The following GPC6 variants were observed in gnomAD, a reference collection of about 807,000 sequenced individuals.
GPC6 encodes the protein glypican 6.
In GPC6, 14 loss-of-function variants were observed where a neutral mutation model predicts 55.2. The observed-to-expected ratio is 0.25, with a 90% CI of 0.17 to 0.40. The LOEUF (loss-of-function observed/expected upper bound fraction) is 0.40, where lower values mean the gene tolerates loss of function less well. Among genes scored for constraint, GPC6 ranks in the 10% least tolerant of loss-of-function variants. The pLI is 1.00. For missense variants in GPC6, 641 were observed against 708.5 expected (o/e 0.90, Z 1.08); for synonymous variants, 278 against 259.6 (o/e 1.07, Z -0.68).
In GPC6 at chr13:93,579,041, A is replaced by G. The variant is rs373410275; in HGVS notation, c.319+33620A>G. 2.0e-3 allele frequency among the ~76,000 whole-genome samples: 311 copies of G among 152,230 alleles called. 3 individuals carry two copies. The highest frequency in any genetic ancestry group is 6.9e-3 in the African/African-American group (288 of 41,540). On this transcript the variant is annotated intron_variant, in intron 2 of 8. Coordinates refer to ENST00000377047, the MANE Select transcript of GPC6 (RefSeq NM_005708.5). ...TGTTCTCATTTATATGTTGGAGCTA[A>G]AAAACTAGATTTCGTGAAGATAGAG...
At chr13:94,082,715 C>A (rs1885142802) in intron 4 of GPC6, among the ~76,000 whole-genome samples, 1 of 152,158 alleles carries the variant, frequency 6.6e-6, no homozygotes, top group African/African-American at 2.4e-5. Flanking sequence ...TATTTCCTAG[C>A]ATCTTCCATT....
intron 3 of GPC6, among the ~76,000 whole-genome samples, chr13:93,968,379 T>G (rs1566627019): frequency 1.3e-5 from 2 of 152,206 alleles, no homozygotes; most frequent in Non-Finnish European, 2.9e-5. Flanking sequence ...CTATAATCAC[T>G]TAATTCTGTT....
intron 1 of GPC6, among the ~76,000 whole-genome samples, chr13:93,424,289 C>T (rs996873447): frequency 2.6e-5 from 4 of 152,140 alleles, no homozygotes; most frequent in Non-Finnish European, 2.9e-5. Flanking sequence ...GAAGCTCAGC[C>T]CTCGTGCCCC....
chr13:93,738,880 G>C (rs890275789), intron 2 of GPC6, among the ~76,000 whole-genome samples: 1 of 151,316 alleles, frequency 6.6e-6, no homozygotes, highest in South Asian at 2.1e-4. Flanking sequence ...TTTTGTTTTA[G>C]TCTGTCCTCC....
At position 94,153,100 on chromosome 13, in the gene GPC6, G is replaced by C. The variant is rs947115826; in HGVS notation, c.877+125206G>C. On this transcript the variant is annotated intron_variant, in intron 4 of 8. Transcript: ENST00000377047. The stretch of plus-strand genomic sequence containing the variant: ...TTACTGGAATAAGTGTTGAAAGAAA[G>C]GAGAAATCATTTTCTTGGTGGAAAA... 2.0e-5 allele frequency among the ~76,000 whole-genome samples: 3 copies of C among 152,158 alleles called. No homozygotes were observed. In the East Asian group the frequency reaches 5.8e-4, roughly 29 times the overall value.
At chr13:93,763,401 A>G (rs139453131) in intron 2 of GPC6, among the ~76,000 whole-genome samples, 1 of 152,322 alleles carries the variant, frequency 6.6e-6, no homozygotes, top group Non-Finnish European at 1.5e-5. Context: ...CTTTCTGTGC[A>G]GATGGAGTTC....
rs10566353 is a variant in GPC6, at chr13:93,911,406, CTGTGTGTG to C, written c.711+80885_711+80892del. Reference sequence around the variant, plus strand: ...AACTACCATGAATAAAGATAATTGACTGTGTGTGTGTGTGTGTGTGTGTGTGTGTGTAT... The same window carrying C: ...AACTACCATGAATAAAGATAATTGACTGTGTGTGTGTGTGTGTGTGTGTAT... On this transcript the variant is annotated intron_variant, in intron 3 of 8. Transcript: ENST00000377047. 2.4e-4 allele frequency among the ~76,000 whole-genome samples: 36 copies of C among 150,020 alleles called. 1 individual carries two copies. Among genetic ancestry groups the C allele is most frequent in the South Asian group, 8.5e-4 (4 of 4,730 alleles).
chr13:93,530,324 C>T lies in GPC6; in HGVS notation c.161-14939C>T, dbSNP rs980122862. Among the ~76,000 whole-genome samples, 4 of 152,180 alleles carry T rather than the reference C, an allele frequency of 2.6e-5. No individual in the cohort carries two copies. In the East Asian group the frequency reaches 7.7e-4, roughly 29 times the overall value. On this transcript the variant is annotated intron_variant, in intron 1 of 8. Coordinates refer to ENST00000377047, the MANE Select transcript of GPC6 (RefSeq NM_005708.5). ...CAGTAGAACCATAGTCCCCACTGTC[C>T]ACCATTCTTAAAATAACTACCCTAT...
the GPC6 span, among the ~76,000 whole-genome samples, chr13:93,221,485 T>A: frequency 1.3e-5 from 2 of 152,162 alleles, no homozygotes; most frequent in East Asian, 3.9e-4. Context: ...CCCATGGTGT[T>A]TGGTTTTCCC....
chr13:94,059,375 A>G (rs967889972), intron 4 of GPC6, among the ~76,000 whole-genome samples: 4 of 151,960 alleles, frequency 2.6e-5, no homozygotes, highest in African/African-American at 9.7e-5. Flanking sequence ...TGCTTCTCCT[A>G]TCTTTCCTCA....
intron 3 of GPC6, among the ~76,000 whole-genome samples, chr13:94,017,080 G>A (rs1403387615): frequency 9.2e-5 from 14 of 152,044 alleles, no homozygotes; most frequent in Admixed American, 2.0e-4. Context: ...TGATCCACCC[G>A]CCTTGGCCTC....
At chr13:93,241,667 T>C (rs1876434275) in intron 1 of GPC6, among the ~76,000 whole-genome samples, 1 of 152,184 alleles carries the variant, frequency 6.6e-6, no homozygotes. Flanking sequence ...ATTTCCAAGA[T>C]TTCATTTTGG....
intron 3 of GPC6, among the ~76,000 whole-genome samples, chr13:94,015,629 T>C (rs1050927485): frequency 6.6e-5 from 10 of 152,230 alleles, no homozygotes; most frequent in African/African-American, 2.2e-4. Context: ...TTTCATTTGC[T>C]CTTATATTTA....
At chr13:93,694,050 G>A (rs1882358279) in intron 2 of GPC6, among the ~76,000 whole-genome samples, 1 of 152,088 alleles carries the variant, frequency 6.6e-6, no homozygotes, top group African/African-American at 2.4e-5. Flanking sequence ...GTTTCAGCAT[G>A]CCTGATATAA....
rs369074163 is a variant in GPC6, at chr13:93,904,984, T to A, written c.711+74439T>A. On this transcript the variant is annotated intron_variant, in intron 3 of 8. Coordinates refer to ENST00000377047, the MANE Select transcript of GPC6 (RefSeq NM_005708.5). ...ATGTTCCCCTTCCTGTGTCCATGTG[T>A]TCTCATTGTTCAATTCCCACCTAAG... Among the ~76,000 whole-genome samples, 5 of 141,690 alleles carry A rather than the reference T, an allele frequency of 3.5e-5. No homozygotes were observed. In the East Asian group the frequency reaches 9.0e-4, roughly 25 times the overall value. 93.0% of individuals were successfully genotyped at this position (141,690 alleles called of 152,430 possible).
intron 1 of GPC6, among the ~76,000 whole-genome samples, chr13:93,367,697 A>G (rs1881299834): frequency 6.6e-6 from 1 of 152,062 alleles, no homozygotes; most frequent in Non-Finnish European, 1.5e-5. Flanking sequence ...CCCATAGATT[A>G]TTTAATAGTG....
At chr13:93,340,104 C>T (rs1444380076) in intron 1 of GPC6, among the ~76,000 whole-genome samples, 3 of 130,272 alleles carry the variant, frequency 2.3e-5, no homozygotes, top group African/African-American at 8.5e-5. Flanking sequence ...GGCGCGATCT[C>T]GGCTCACTGC....
chr13:93,903,940 A>G (rs918611797), intron 3 of GPC6, among the ~76,000 whole-genome samples: 3 of 152,054 alleles, frequency 2.0e-5, no homozygotes, highest in Admixed American at 6.5e-5. Flanking sequence ...GCGAAATCAC[A>G]AAGAAGAACA....
chr13:93,825,306 C>T (rs1887192396), intron 2 of GPC6, among the ~76,000 whole-genome samples: 1 of 152,132 alleles, frequency 6.6e-6, no homozygotes, highest in African/African-American at 2.4e-5. Flanking sequence ...ACAGTGCTCC[C>T]CAAACCCCTG....
Sources: allele counts gnomAD v4.1 joint callset (sites outside exome capture counted in the v4.1 genomes callset), GRCh38; gene constraint gnomAD v4.1.1; transcripts MANE v1.5; gene names NCBI Gene and HGNC (gene_info 2026-07-23, HGNC 2026-07-21).